Variants in EHBP1 observed in about 807,000 individuals in gnomAD.
EHBP1 encodes EH domain-binding protein 1.
A neutral mutation model predicts 144.0 loss-of-function variants in EHBP1; 55 were observed. The ratio of observed to expected loss-of-function variants is 0.38; its 90% CI spans 0.31 to 0.48. The LOEUF is 0.48. Ranked by LOEUF, EHBP1 falls within the 20% of genes least tolerant of loss-of-function variation. The pLI is 0.98. For missense variants in EHBP1, 1,200 were observed against 1,364.2 expected (o/e 0.88, Z 1.90); for synonymous variants, 469 against 472.7 (o/e 0.99, Z 0.10).
Position 62,831,019 on chromosome 2 carries a change from A to C in EHBP1, c.495A>C (p.Thr165=). ...SCIFLREGKA[T]DEDMQSLASL... ...GTTATATTTTGAATCATTGATGTAG[A>C]GATGAAGACATGCAAAGTTTGGCTA... Residue 165 remains threonine (T), a splice_region_variant and synonymous_variant, in exon 7 of 23, where the codon ACA becomes ACC. Coordinates refer to ENST00000431489, the MANE Select transcript of EHBP1 (RefSeq NM_001142616.3). The C allele has an allele frequency of 6.2e-7, 1 of 1,611,640 alleles. No individual in the cohort carries two copies. The highest frequency in any genetic ancestry group is 1.7e-4 in the Middle Eastern group (1 of 6,050).
At chr2:63,005,663 C>A (rs936064119) in intron 19 of EHBP1, among the ~76,000 whole-genome samples, 3 of 151,982 alleles carry the variant, frequency 2.0e-5, no homozygotes, top group Non-Finnish European at 4.4e-5. Flanking sequence ...GATTACCAAG[C>A]CACTCTACAT....
rs765688381 is a variant in EHBP1, at chr2:62,852,110, A to G, written c.635-7059A>G. 5.5e-4 allele frequency among the ~76,000 whole-genome samples: 83 copies of G among 152,160 alleles called. 1 individual carries two copies. Among genetic ancestry groups the G allele is most frequent in the African/African-American group, 1.9e-3 (80 of 41,468 alleles). ...AGACTAACTCTAATACTTCTTCTATATTCCCTGCGGTGCTCAAATATAACA... is the reference window on the plus strand; with the variant it reads ...AGACTAACTCTAATACTTCTTCTATGTTCCCTGCGGTGCTCAAATATAACA... On this transcript the variant is annotated intron_variant, in intron 7 of 22. Coordinates refer to ENST00000431489, the MANE Select transcript of EHBP1 (RefSeq NM_001142616.3).
intron 10 of EHBP1, among the ~76,000 whole-genome samples, chr2:62,927,991 G>A (rs1170059905): frequency 6.6e-6 from 1 of 152,078 alleles, no homozygotes; most frequent in African/African-American, 2.4e-5. Flanking sequence ...CTACACACTT[G>A]TAAATAAACA....
chr2:62,827,229 C>T (rs537035822), intron 6 of EHBP1, among the ~76,000 whole-genome samples: 1 of 152,306 alleles, frequency 6.6e-6, no homozygotes, highest in East Asian at 1.9e-4. Flanking sequence ...AGTAAGCCTC[C>T]TCTCTGGCAA....
chr2:62,851,331 A>G (rs1282090608), intron 7 of EHBP1, among the ~76,000 whole-genome samples: 2 of 152,092 alleles, frequency 1.3e-5, no homozygotes, highest in Non-Finnish European at 2.9e-5. Flanking sequence ...TTAAACTCCA[A>G]TTTGCAGTTC....
At chr2:62,788,263 A>G (rs1229204573) in intron 5 of EHBP1, among the ~76,000 whole-genome samples, 3 of 152,140 alleles carry the variant, frequency 2.0e-5, no homozygotes, top group Non-Finnish European at 4.4e-5. Context: ...AATATAAAAT[A>G]TTTGTATGTT....
chr2:62,742,222 A>G (rs1476577612), intron 2 of EHBP1, among the ~76,000 whole-genome samples: 1 of 152,042 alleles, frequency 6.6e-6, no homozygotes, highest in Non-Finnish European at 1.5e-5. Flanking sequence ...CTATATCTCT[A>G]TCTATCGTTA....
At chr2:62,796,807 C>G (rs1053744438) in intron 5 of EHBP1, among the ~76,000 whole-genome samples, 3 of 151,220 alleles carry the variant, frequency 2.0e-5, no homozygotes, top group African/African-American at 7.3e-5. Flanking sequence ...TCTTAAACAC[C>G]TCTTTCCATG....
At chr2:62,871,911 C>T (rs1237986177) in intron 9 of EHBP1, 3 of 152,080 alleles carry the variant, frequency 2.0e-5, no homozygotes, top group Admixed American at 6.6e-5. Flanking sequence ...AAATGAAAAC[C>T]AATAAGCCAA....
At chr2:62,905,585 G>T (rs2053735387) in intron 10 of EHBP1, among the ~76,000 whole-genome samples, 1 of 152,136 alleles carries the variant, frequency 6.6e-6, no homozygotes. Flanking sequence ...AGCACTTTGG[G>T]AGGCCAAGGC....
At chr2:62,905,717 G>C (rs570237422) in intron 10 of EHBP1, among the ~76,000 whole-genome samples, 28 of 152,130 alleles carry the variant, frequency 1.8e-4, no homozygotes, top group Non-Finnish European at 3.8e-4. Context: ...CCAGCTACTT[G>C]GGAGGCTGAG....
chr2:62,842,512 T>TG (rs2047981683), intron 7 of EHBP1, among the ~76,000 whole-genome samples: 1 of 152,164 alleles, frequency 6.6e-6, no homozygotes, highest in African/African-American at 2.4e-5. Flanking sequence ...ATAGGAATTT[T>TG]GGGGGGACAT....
chr2:62,798,419 A>G (rs2043716806), intron 5 of EHBP1, among the ~76,000 whole-genome samples: 1 of 151,844 alleles, frequency 6.6e-6, no homozygotes, highest in African/African-American at 2.4e-5. Context: ...CTTTTCCTGT[A>G]GACTGTTAGA....
chr2:62,707,807 C>G (rs1256910246), intron 2 of EHBP1, among the ~76,000 whole-genome samples: 1 of 152,140 alleles, frequency 6.6e-6, no homozygotes, highest in African/African-American at 2.4e-5. Context: ...ATGCCATCCA[C>G]AAAACCTTAG....
intron 10 of EHBP1, among the ~76,000 whole-genome samples, chr2:62,923,366 GC>G (rs1226981249): frequency 6.6e-6 from 1 of 152,182 alleles, no homozygotes; most frequent in African/African-American, 2.4e-5. Context: ...TAGGGGAGAG[GC>G]CCTCAAGCCT....
At chr2:62,879,596 C>CAG (rs111441984) in intron 10 of EHBP1, among the ~76,000 whole-genome samples, 137 of 141,012 alleles carry the variant, frequency 9.7e-4, no homozygotes, top group African/African-American at 3.0e-3. Context: ...CACACAGAGA[C>CAG]AGAGAGAGAG....
rs745947265 is a variant in EHBP1, at chr2:62,707,312, G to A, written c.104+17G>A. ...GAAGAAATGGTAAGATGTACCTGGAGGTAGATTTTGCTGTGCTGTGGCCTA... is the reference window on the plus strand; with the variant it reads ...GAAGAAATGGTAAGATGTACCTGGAAGTAGATTTTGCTGTGCTGTGGCCTA... On this transcript the variant is annotated intron_variant, in intron 2 of 22. Transcript: ENST00000431489. 5.6e-6 allele frequency: 9 copies of A among 1,596,208 alleles called. No homozygotes were observed. Among genetic ancestry groups the A allele is most frequent in the Non-Finnish European group, 1.7e-6 (2 of 1,163,762 alleles).
intron 14 of EHBP1, among the ~76,000 whole-genome samples, chr2:62,974,176 T>C (rs1385440701): frequency 6.6e-6 from 1 of 152,144 alleles, no homozygotes; most frequent in African/African-American, 2.4e-5. Flanking sequence ...CTCTCTTCTT[T>C]TGCCCCTACC....
intron 10 of EHBP1, among the ~76,000 whole-genome samples, chr2:62,930,237 G>C (rs2055877149): frequency 6.6e-6 from 1 of 152,152 alleles, no homozygotes; most frequent in Non-Finnish European, 1.5e-5. Context: ...AGCAGAGCAA[G>C]ACCCTGTCTC....
Sources: allele counts gnomAD v4.1 joint callset (sites outside exome capture counted in the v4.1 genomes callset), GRCh38; gene constraint gnomAD v4.1.1; transcripts MANE v1.5; gene names NCBI Gene and HGNC (gene_info 2026-07-23, HGNC 2026-07-21).